ZNF654: variants seen among roughly 807,000 people sequenced by gnomAD.
ZNF654 encodes zinc finger protein 654, also known as melanoma-associated antigen.
Under a neutral mutation model 95.3 loss-of-function variants are expected in ZNF654, and 19 were observed. That is an observed-to-expected ratio of 0.20 (90% CI 0.14 to 0.29). ZNF654 has a LOEUF of 0.29. ZNF654 is among the 10% of genes least tolerant of loss of function. The probability of loss-of-function intolerance (pLI) is 1.00; values close to 1 mark genes in which losing one functional copy is unlikely to be tolerated. For missense variants in ZNF654, 1,046 were observed against 1,341.0 expected (o/e 0.78, Z 3.44); for synonymous variants, 413 against 457.9 (o/e 0.90, Z 1.25).
chr3:88,098,373 T>C (rs1704191084), intron 2 of ZNF654, among the ~76,000 whole-genome samples: 1 of 152,174 alleles, frequency 6.6e-6, no homozygotes, highest in African/African-American at 2.4e-5. Flanking sequence ...CAGGACCAGA[T>C]GGATTCACAG....
chr3:88,139,727 AAAT>A lies in ZNF654; in HGVS notation c.2062_2064del (p.Asn688del). 1 of 1,560,038 alleles carries A rather than the reference AAAT, an allele frequency of 6.4e-7. No homozygotes were observed. Among genetic ancestry groups the A allele is most frequent in the Non-Finnish European group, 8.7e-7 (1 of 1,151,078 alleles). The stretch of plus-strand genomic sequence containing the variant: ...AAAATGGCAGTCCTAATAATTCTTT[AAAT>A]AATGTTTTCAAGCCTTTAACTGAAT... On this transcript the variant is annotated inframe_deletion, in exon 8 of 9. Transcript: ENST00000636215.
intron 1 of ZNF654, 107 bp downstream of exon 1, chr3:88,059,612 C>G (rs762156812): frequency 7.2e-7 from 1 of 1,395,486 alleles, no homozygotes; most frequent in Non-Finnish European, 9.3e-7. Context: ...GCCCGCTCCT[C>G]CCCAACAAGG....
intron 2 of ZNF654, among the ~76,000 whole-genome samples, chr3:88,090,390 C>T (rs568642798): frequency 6.6e-6 from 1 of 150,670 alleles, no homozygotes; most frequent in Admixed American, 6.6e-5. Context: ...ATGTAAAATA[C>T]AAAAATGAAA....
intron 1 of ZNF654, among the ~76,000 whole-genome samples, chr3:88,079,824 G>T (rs535589481): frequency 1.3e-5 from 2 of 152,162 alleles, no homozygotes; most frequent in South Asian, 4.1e-4. Context: ...AAGGAGTAGT[G>T]AGTTGAACAG....
rs879906166 is a variant in ZNF654 at position 88,108,203 on chromosome 3, G to GT, written c.333-4900dup. On this transcript the variant is annotated intron_variant, in intron 2 of 8. Transcript: ENST00000636215. ...CCTACATGAGAAGATTTTCAAAGTA[G>GT]TTTTTTTTTTTTCCTATTTCTACTT... Among the ~76,000 whole-genome samples, 472 of 145,898 alleles carry GT rather than the reference G, an allele frequency of 3.2e-3. 1 individual carries two copies. The highest frequency in any genetic ancestry group is 8.8e-3 in the African/African-American group (354 of 40,064).
intron 3 of ZNF654, among the ~76,000 whole-genome samples, chr3:88,113,591 A>AT (rs996138806): frequency 1.7e-3 from 262 of 151,754 alleles, no homozygotes; most frequent in African/African-American, 5.7e-3. Context: ...GAGACAGAAG[A>AT]TTTTTTTTTA....
chr3:88,086,142 C>T, intron 1 of ZNF654, 115 bp from the exon 2 acceptor site: 1 of 856,802 alleles, frequency 1.2e-6, no homozygotes, highest in Non-Finnish European at 1.8e-6. Flanking sequence ...CCTCCAGTCA[C>T]CTGTGTTCAT....
chr3:88,092,672 T>C (rs1176423407), intron 2 of ZNF654, among the ~76,000 whole-genome samples: 1 of 152,220 alleles, frequency 6.6e-6, no homozygotes, highest in African/African-American at 2.4e-5. Flanking sequence ...GCTTGACATA[T>C]GAAGTTTATT....
At chr3:88,097,112 A>G (rs1414936702) in intron 2 of ZNF654, among the ~76,000 whole-genome samples, 3 of 152,138 alleles carry the variant, frequency 2.0e-5, no homozygotes, top group African/African-American at 4.8e-5. Context: ...GCTGTTATCA[A>G]CAACCCTTTA....
intron 1 of ZNF654, among the ~76,000 whole-genome samples, chr3:88,068,276 G>A: frequency 6.6e-6 from 1 of 152,100 alleles, no homozygotes; most frequent in East Asian, 1.9e-4. Context: ...ATTAGGTGTA[G>A]ACTATGATAA....
At chr3:88,116,815 T>TGTA (rs1333359847) in intron 3 of ZNF654, among the ~76,000 whole-genome samples, 1 of 152,154 alleles carries the variant, frequency 6.6e-6, no homozygotes, top group Admixed American at 6.5e-5. Flanking sequence ...TAAATTAAAC[T>TGTA]GTAGTACATG....
intron 5 of ZNF654, 67 bp downstream of exon 5, chr3:88,129,078 A>C: frequency 9.0e-7 from 1 of 1,110,462 alleles, no homozygotes; most frequent in South Asian, 1.6e-5. Flanking sequence ...AAAAAAAAAA[A>C]GTAGCCCACT....
At chr3:88,063,035 A>G (rs987256715) in intron 1 of ZNF654, among the ~76,000 whole-genome samples, 57 of 152,330 alleles carry the variant, frequency 3.7e-4, no homozygotes, top group African/African-American at 1.2e-3. Flanking sequence ...GTGAAACACA[A>G]TGATTTGTAA....
intron 1 of ZNF654, 92 bp from the exon 2 acceptor site, chr3:88,086,165 T>C: frequency 1.6e-6 from 2 of 1,216,570 alleles, no homozygotes; most frequent in South Asian, 1.5e-5. Flanking sequence ...CGATCTAATA[T>C]TTTAATTTAT....
At chr3:88,075,519 A>G (rs1403933766) in intron 1 of ZNF654, among the ~76,000 whole-genome samples, 1 of 152,212 alleles carries the variant, frequency 6.6e-6, no homozygotes, top group Non-Finnish European at 1.5e-5. Flanking sequence ...CTGTGCTTTT[A>G]GGAGCCCAGT....
intron 3 of ZNF654, among the ~76,000 whole-genome samples, chr3:88,120,370 T>G (rs1254792932): frequency 6.6e-6 from 1 of 152,224 alleles, no homozygotes; most frequent in East Asian, 1.9e-4. Flanking sequence ...ACTGCTATCT[T>G]GAGAGCTTTA....
chr3:88,064,391 T>G (rs1248904780), intron 1 of ZNF654, among the ~76,000 whole-genome samples: 2 of 152,192 alleles, frequency 1.3e-5, no homozygotes, highest in Admixed American at 6.5e-5. Context: ...GTTTATCCCT[T>G]TCCTTCCTGC....
intron 3 of ZNF654, 103 bp from the exon 4 acceptor site, chr3:88,126,031 A>G (rs1706080034): frequency 8.4e-7 from 1 of 1,192,056 alleles, no homozygotes; most frequent in Non-Finnish European, 1.1e-6. Context: ...TTATAATTTA[A>G]TAGCTGCCTC....
chr3:88,114,735 T>G (rs968232574), intron 3 of ZNF654, among the ~76,000 whole-genome samples: 25 of 152,142 alleles, frequency 1.6e-4, no homozygotes, highest in Non-Finnish European at 2.9e-5. Context: ...CATCCTTCAT[T>G]TGCTGACCTG....
Sources: allele counts gnomAD v4.1 joint callset (sites outside exome capture counted in the v4.1 genomes callset), GRCh38; gene constraint gnomAD v4.1.1; transcripts MANE v1.5; gene names NCBI Gene and HGNC (gene_info 2026-07-23, HGNC 2026-07-21).